The following CYP26C1 variants were observed in gnomAD, a reference collection of about 807,000 sequenced individuals.
CYP26C1 encodes cytochrome P450 family 26 subfamily C member 1.
A neutral mutation model predicts 39.1 loss-of-function variants in CYP26C1; 41 were observed. That is an observed-to-expected ratio of 1.05 (90% CI 0.82 to 1.36). The LOEUF (loss-of-function observed/expected upper bound fraction) is 1.36, where lower values mean the gene tolerates loss of function less well. Among genes scored for constraint, CYP26C1 ranks in the 40% most tolerant of loss-of-function variants. The probability of loss-of-function intolerance (pLI) is 0.00; values close to 1 mark genes in which losing one functional copy is unlikely to be tolerated. For missense variants in CYP26C1, 833 were observed against 752.0 expected, an observed-to-expected ratio of 1.11 and a Z score of -1.26; for synonymous variants, 362 against 350.8, an observed-to-expected ratio of 1.03 and a Z score of -0.36.
In CYP26C1 at chr10:93,069,057, C is replaced by A; in HGVS notation, c.*360C>A. On this transcript the variant is annotated 3_prime_UTR_variant, in exon 6 of 6. Transcript: ENST00000651965. ...GGGAGGGTGCATGGATGGGGGAAGGCGAGGTAGGGGTGGCAGGGGAGTGGG... is the reference window on the plus strand; with the variant it reads ...GGGAGGGTGCATGGATGGGGGAAGGAGAGGTAGGGGTGGCAGGGGAGTGGG... 2 of 214,220 alleles carry A rather than the reference C, an allele frequency of 9.3e-6. No individual in the cohort carries two copies. The highest frequency in any genetic ancestry group is 1.0e-4 in the East Asian group (1 of 9,930). 13.3% of individuals were successfully genotyped at this position (214,220 alleles called of 1,614,324 possible).
chr10:93,061,624 T>TA (rs1482036341), intron 1 of CYP26C1, among the ~76,000 whole-genome samples, 157 bp downstream of exon 1: 5 of 28,768 alleles, frequency 1.7e-4, no homozygotes, highest in Admixed American at 5.5e-4. Context: ...TTTACCTAGA[T>TA]ACTCCGTTCC....
In CYP26C1 at chr10:93,060,834, G is replaced by T; in HGVS notation, c.-430G>T. ...ACTGGAGGAGGGACAGGTGGGGCGG[G>T]GGTCTGCAGACCAGGTTGGCAACAC... On this transcript the variant is annotated 5_prime_UTR_variant, in exon 1 of 6. Transcript: ENST00000651965. The T allele has an allele frequency of 1.9e-5, 4 of 207,256 alleles. No homozygotes were observed. The highest frequency in any genetic ancestry group is 3.8e-5 in the Non-Finnish European group (4 of 104,154). The allele number at this position is 207,256 out of a possible 1,614,324, so 12.8% of individuals were successfully genotyped here.
chr10:93,062,656 C>T (rs1459752664), intron 2 of CYP26C1, 64 bp from the exon 3 acceptor site: 1 of 1,335,556 alleles, frequency 7.5e-7, no homozygotes, highest in Non-Finnish European at 9.7e-7. Context: ...CTTCTGGCTA[C>T]TCCGGAATCG....
chr10:93,062,305 C>G, intron 2 of CYP26C1, 71 bp downstream of exon 2: 3 of 1,441,128 alleles, frequency 2.1e-6, no homozygotes, highest in Non-Finnish European at 2.8e-6. Context: ...TGGGCCAGGC[C>G]GGGGCCCCGG....
In CYP26C1 at chr10:93,068,843, T is replaced by C; in HGVS notation, c.*146T>C. 1 of 1,335,504 alleles carries C rather than the reference T, an allele frequency of 7.5e-7. No homozygotes were observed. The highest frequency in any genetic ancestry group is 9.8e-7 in the Non-Finnish European group (1 of 1,025,582). The allele number at this position is 1,335,504 out of a possible 1,614,324, so 82.7% of individuals were successfully genotyped here. A position where few individuals can be genotyped will look rare whatever the true frequency, so the allele number is the denominator to read the frequency against. ...AACAAATGTTCGCCAAACGCGGATG[T>C]GTGCCGGACTCGAGGAAGGAGGAGG... On this transcript the variant is annotated 3_prime_UTR_variant, in exon 6 of 6. Transcript: ENST00000651965.
Position 93,062,082 on chromosome 10 carries a change from G to C in CYP26C1, c.277G>C (p.Val93Leu), listed in dbSNP as rs1030996835. 3.2e-6 allele frequency: 5 copies of C among 1,576,888 alleles called. No individual in the cohort carries two copies. Among genetic ancestry groups the C allele is most frequent in the Non-Finnish European group, 4.3e-6 (5 of 1,162,296 alleles). Residue 93 changes from valine (V) to leucine (L), a missense_variant, in exon 2 of 6, where the codon GTG (valine) becomes CTG (leucine). Val to Leu is a conservative substitution (Grantham distance 32, BLOSUM62 1). Coordinates refer to ENST00000651965, the MANE Select transcript of CYP26C1 (RefSeq NM_183374.3). Reference protein sequence around the residue: ...VFKTHLLGRPVIRVSGAENVR... With the variant: ...VFKTHLLGRPLIRVSGAENVR... Reference sequence around the variant, plus strand: ...CAAGACGCACCTGCTGGGCAGGCCAGTGATCCGCGTGAGCGGCGCGGAGAA... The same window carrying C: ...CAAGACGCACCTGCTGGGCAGGCCACTGATCCGCGTGAGCGGCGCGGAGAA...
At position 93,060,985 on chromosome 10, in the gene CYP26C1, G is replaced by C. The variant is rs1196435829; in HGVS notation, c.-279G>C. On this transcript the variant is annotated 5_prime_UTR_variant, in exon 1 of 6. Coordinates refer to ENST00000651965, the MANE Select transcript of CYP26C1 (RefSeq NM_183374.3). ...TTCCCGAGGCAGCAGGCACCTTCGA[G>C]AGGGACTGGCATTTGGGCCCAGGAG... The C allele has an allele frequency of 4.2e-6, 2 of 472,212 alleles. No individual in the cohort carries two copies. The highest frequency in any genetic ancestry group is 7.4e-6 in the Non-Finnish European group (2 of 270,046). The allele number at this position is 472,212 out of a possible 1,614,324, so 29.3% of individuals were successfully genotyped here. A position where few individuals can be genotyped will look rare whatever the true frequency, so the allele number is the denominator to read the frequency against.
At chr10:93,064,764 C>A in intron 4 of CYP26C1, 1 of 1,261,148 alleles carries the variant, frequency 7.9e-7, no homozygotes, top group Non-Finnish European at 1.0e-6. Context: ...GAACTGAAGG[C>A]AAGAATCCTA....
Position 93,066,261 on chromosome 10 carries a change from C to G in CYP26C1, c.1167C>G (p.Thr389=). Residue 389 remains threonine (T), a synonymous_variant, in exon 5 of 6, where the codon ACC becomes ACG. Transcript: ENST00000651965. Reference sequence around the variant, plus strand: ...CGCCAGTGTCCGGGGGCTACCGCACCGCCCTGCGCACCTTCGAGCTCGACG... The same window carrying G: ...CGCCAGTGTCCGGGGGCTACCGCACGGCCCTGCGCACCTTCGAGCTCGACG... The part of the protein sequence containing the change: ...LLPPVSGGYR[T]ALRTFELDGY... 6.9e-7 allele frequency: 1 copy of G among 1,443,026 alleles called. No homozygotes were observed. The highest frequency in any genetic ancestry group is 1.5e-5 in the South Asian group (1 of 67,210). 89.4% of individuals were successfully genotyped at this position (1,443,026 alleles called of 1,614,324 possible).
At chr10:93,063,763 A>G in intron 3 of CYP26C1, 1 of 982,710 alleles carries the variant, frequency 1.0e-6, no homozygotes, top group Non-Finnish European at 1.2e-6. Context: ...TTATTGACTT[A>G]CCCAAGATCA....
In CYP26C1 at chr10:93,066,080, A is replaced by T. The variant is rs994522727; in HGVS notation, c.986A>T (p.Gln329Leu). The T allele has an allele frequency of 4.8e-6, 7 of 1,455,740 alleles. No homozygotes were observed. Among genetic ancestry groups the T allele is most frequent in the Non-Finnish European group, 6.3e-6 (7 of 1,104,548 alleles). 90.2% of individuals were successfully genotyped at this position (1,455,740 alleles called of 1,614,324 possible). Residue 329 changes from glutamine to leucine, a missense_variant, in exon 5 of 6, where the codon CAG becomes CTG. By Grantham distance (113) the Gln-to-Leu change is moderately radical (BLOSUM62 -2). Coordinates refer to ENST00000651965, the MANE Select transcript of CYP26C1 (RefSeq NM_183374.3). ...AAGATTCGGGAGGAGCTGGTGGCGC[A>T]GGGGCTGGGGCGCGCGTGCGGCTGC... ...IAKIREELVA[Q>L]GLGRACGCAP...
At chr10:93,064,664 G>A in intron 4 of CYP26C1, 128 bp downstream of exon 4, 3 of 1,460,928 alleles carry the variant, frequency 2.1e-6, no homozygotes, top group Non-Finnish European at 1.8e-6. Flanking sequence ...CTCAAGATGA[G>A]GGGCAAGAGG....
intron 5 of CYP26C1, among the ~76,000 whole-genome samples, chr10:93,066,521 T>G (rs1294305361): frequency 3.3e-5 from 5 of 152,214 alleles, no homozygotes; most frequent in Admixed American, 2.6e-4. Context: ...ACTGCAAGGT[T>G]AGGGATCTCG....
At position 93,062,990 on chromosome 10, in the gene CYP26C1, C is replaced by T. The variant is rs770926688; in HGVS notation, c.700C>T (p.Arg234Cys). The T allele has an allele frequency of 3.8e-6, 6 of 1,566,140 alleles. No individual in the cohort carries two copies. The African/African-American group carries it at 4.2e-5, about 11-fold the overall frequency. Reference sequence around the variant, plus strand: ...TCTGGACGTTCCCTTCAGTGGCCTACGCAAGGTACGGCCGCCCCGGCTCCA... The same window carrying T: ...TCTGGACGTTCCCTTCAGTGGCCTATGCAAGGTACGGCCGCCCCGGCTCCA... ...LPLDVPFSGL[R>C]KGIRARDQLH... Residue 234 changes from arginine (R) to cysteine (C), a missense_variant, in exon 3 of 6, where the codon CGC becomes TGC. Arg to Cys is a radical substitution (Grantham distance 180). Transcript: ENST00000651965.
rs547845516 is a variant in CYP26C1 at position 93,062,592 on chromosome 10, C to G, written c.430-128C>G. ...CTGGGGGAAATGGCGAAAGCAAAAG[C>G]CAGGAAGTTTAGGTCTGGGCCGCTT... On this transcript the variant is annotated intron_variant, in intron 2 of 5. Coordinates refer to ENST00000651965, the MANE Select transcript of CYP26C1 (RefSeq NM_183374.3). 44 of 850,004 alleles carry G rather than the reference C, an allele frequency of 5.2e-5. No individual in the cohort carries two copies. The African/African-American group carries it at 7.3e-4, about 14-fold the overall frequency. The allele number at this position is 850,004 out of a possible 1,614,324, so 52.7% of individuals were successfully genotyped here.
chr10:93,068,428 G>T lies in CYP26C1; in HGVS notation c.1300G>T (p.Gly434Cys). 1 of 1,612,166 alleles carries T rather than the reference G, an allele frequency of 6.2e-7. No homozygotes were observed. The stretch of plus-strand genomic sequence containing the variant: ...CGAAGGCTTCGATCCAGAGCGCTTC[G>T]GCGCAGCGCGCGAAGATTCCCGGGG... The part of the protein sequence containing the change: ...PPEGFDPERF[G>C]AAREDSRGAS... Residue 434 changes from glycine (G) to cysteine (C), a missense_variant, in exon 6 of 6, where the codon GGC becomes TGC. Physicochemically the swap from Gly to Cys is radical, Grantham distance 159. Transcript: ENST00000651965.
chr10:93,063,766 C>T (rs903688019), intron 3 of CYP26C1: 1 of 982,534 alleles, frequency 1.0e-6, no homozygotes, highest in Non-Finnish European at 1.2e-6. Flanking sequence ...TTGACTTACC[C>T]AAGATCACAC....
chr10:93,062,572 G>C, intron 2 of CYP26C1, 148 bp from the exon 3 acceptor site: 1 of 710,404 alleles, frequency 1.4e-6, no homozygotes, highest in East Asian at 3.0e-5. Flanking sequence ...CAGAACTGGG[G>C]GAAATGGCGA....
At chr10:93,063,836 G>A in intron 3 of CYP26C1, 1 of 985,800 alleles carries the variant, frequency 1.0e-6, no homozygotes, top group Non-Finnish European at 1.2e-6. Flanking sequence ...GAACTCAAGT[G>A]CTGAATTACA....
Sources: allele counts gnomAD v4.1 joint callset (sites outside exome capture counted in the v4.1 genomes callset), GRCh38; gene constraint gnomAD v4.1.1; transcripts MANE v1.5; gene names NCBI Gene and HGNC (gene_info 2026-07-23, HGNC 2026-07-21).